ETNK1: variants seen among roughly 807,000 people sequenced by gnomAD.
The protein encoded by ETNK1 is ethanolamine kinase 1.
ETNK1 carries 8 observed loss-of-function variants against 45.1 expected under a neutral mutation model. The ratio of observed to expected loss-of-function variants is 0.18; its 90% CI spans 0.10 to 0.32. The LOEUF (loss-of-function observed/expected upper bound fraction) is 0.32. Among genes scored for constraint, ETNK1 ranks in the 10% least tolerant of loss-of-function variants. The probability of loss-of-function intolerance (pLI) is 1.00; values close to 1 mark genes in which losing one functional copy is unlikely to be tolerated. For missense variants in ETNK1, 302 were observed against 430.6 expected (o/e 0.70, Z 2.64); for synonymous variants, 152 against 151.9 (o/e 1.00, Z -0.01).
In ETNK1 at chr12:22,660,639, A is replaced by G. The variant is rs1343493277; in HGVS notation, c.558-424A>G. Among the ~76,000 whole-genome samples, 3 of 152,288 alleles carry G rather than the reference A, an allele frequency of 2.0e-5. No homozygotes were observed. In the East Asian group the frequency reaches 5.8e-4, roughly 29 times the overall value. ...GCATTCACCCTTTCAACCTTGAAATATGTATTTTTAATTTTTAAAATAATT... is the reference window on the plus strand; with the variant it reads ...GCATTCACCCTTTCAACCTTGAAATGTGTATTTTTAATTTTTAAAATAATT... On this transcript the variant is annotated intron_variant, in intron 3 of 7. Transcript: ENST00000266517.
rs1009952942 is a variant in ETNK1 at position 22,687,725 on chromosome 12, TA to T, written c.*2777del. 6.6e-6 allele frequency: 1 copy of T among 152,262 alleles called. No individual in the cohort carries two copies. The highest frequency in any genetic ancestry group is 1.9e-4 in the East Asian group (1 of 5,200). The allele number at this position is 152,262 out of a possible 1,614,324, so 9.4% of individuals were successfully genotyped here. ...CAAGTAGGTCTGCCTGGAATGTATA[TA>T]AAAAATGTAAATAAAAATTTGTAAA... On this transcript the variant is annotated 3_prime_UTR_variant, in exon 8 of 8. Coordinates refer to ENST00000266517, the MANE Select transcript of ETNK1 (RefSeq NM_018638.5).
intron 1 of ETNK1, among the ~76,000 whole-genome samples, chr12:22,630,941 T>G (rs1389725348): frequency 6.6e-6 from 1 of 152,040 alleles, no homozygotes; most frequent in South Asian, 2.1e-4. Context: ...AATTATATCA[T>G]GTATTAGAGA....
At chr12:22,654,436 T>C (rs1953915505) in intron 2 of ETNK1, among the ~76,000 whole-genome samples, 2 of 152,242 alleles carry the variant, frequency 1.3e-5, no homozygotes, top group Admixed American at 6.5e-5. Flanking sequence ...AACATTACTT[T>C]TGTTACAATT....
intron 2 of ETNK1, 114 bp from the exon 3 acceptor site, chr12:22,658,900 A>G (rs1177001395): frequency 1.9e-6 from 2 of 1,036,906 alleles, no homozygotes; most frequent in South Asian, 1.7e-5. Flanking sequence ...GAGCACAGGT[A>G]GGTCTACAAG....
intron 2 of ETNK1, among the ~76,000 whole-genome samples, chr12:22,652,322 T>C (rs1953888107): frequency 1.3e-5 from 2 of 152,222 alleles, no homozygotes; most frequent in Admixed American, 6.5e-5. Context: ...AACATGGATA[T>C]GTAAATATGT....
intron 4 of ETNK1, among the ~76,000 whole-genome samples, chr12:22,664,171 A>C (rs1172828746): frequency 6.6e-6 from 1 of 151,910 alleles, no homozygotes; most frequent in African/African-American, 2.4e-5. Flanking sequence ...TTATTTAATA[A>C]ATTTAATAGT....
intron 2 of ETNK1, among the ~76,000 whole-genome samples, chr12:22,655,155 A>G (rs1953922336): frequency 6.7e-6 from 1 of 150,014 alleles, no homozygotes; most frequent in Non-Finnish European, 1.5e-5. Flanking sequence ...TTTAGTAGAG[A>G]CGGGGTTTCA....
rs1253741711 is a variant in ETNK1, at chr12:22,625,527, G to T, written c.97G>T (p.Ala33Ser). The T allele has an allele frequency of 1.9e-6, 3 of 1,605,924 alleles. No individual in the cohort carries two copies. Among genetic ancestry groups the T allele is most frequent in the Non-Finnish European group, 2.5e-6 (3 of 1,176,854 alleles). ...DQEEHRCREG[A>S]LSLLQHLRPH... is the part of the protein sequence containing the mutation. ...GGAGGAGCATCGCTGCCGGGAGGGG[G>T]CCCTGAGCCTCCTGCAACACCTGCG... Residue 33 changes from alanine to serine, a missense_variant, in exon 1 of 8, where the codon GCC (alanine) becomes TCC (serine). Coordinates refer to ENST00000266517, the MANE Select transcript of ETNK1 (RefSeq NM_018638.5).
At chr12:22,632,014 A>G (rs143715266) in intron 1 of ETNK1, among the ~76,000 whole-genome samples, 165 of 152,180 alleles carry the variant, frequency 1.1e-3, no homozygotes, top group African/African-American at 3.8e-3. Flanking sequence ...CCAGCAACCA[A>G]GTGTCTTCAT....
intron 6 of ETNK1, among the ~76,000 whole-genome samples, chr12:22,675,518 G>A (rs1954151803): frequency 6.6e-6 from 1 of 152,004 alleles, no homozygotes; most frequent in East Asian, 1.9e-4. Context: ...ACCATGCCTG[G>A]CTGATTTTTT....
rs1954284387 is a variant in ETNK1, at chr12:22,689,228, G to T, written c.*4274G>T. The T allele has an allele frequency of 2.0e-5, 3 of 151,880 alleles. No homozygotes were observed. In the South Asian group the frequency reaches 6.2e-4, roughly 32 times the overall value. 9.4% of individuals were successfully genotyped at this position (151,880 alleles called of 1,614,324 possible). A position where few individuals can be genotyped will look rare whatever the true frequency, so the allele number is the denominator to read the frequency against. ...GAATTATTTGGGTAGAAAAAATTAT[G>T]ATAGTGCTTATAAGAACTGTAAACT... On this transcript the variant is annotated 3_prime_UTR_variant, in exon 8 of 8. Transcript: ENST00000266517.
intron 4 of ETNK1, among the ~76,000 whole-genome samples, chr12:22,666,104 C>G (rs1370697498): frequency 1.3e-5 from 2 of 152,120 alleles, no homozygotes; most frequent in Non-Finnish European, 2.9e-5. Flanking sequence ...CCTCTACCTG[C>G]TCTCACCATG....
At chr12:22,684,180 A>C (rs1954238319) in intron 6 of ETNK1, among the ~76,000 whole-genome samples, 1 of 152,196 alleles carries the variant, frequency 6.6e-6, no homozygotes, top group South Asian at 2.1e-4. Flanking sequence ...CATTAAAAAC[A>C]CTAACATCTA....
chr12:22,648,816 T>G (rs1359479897), intron 2 of ETNK1, among the ~76,000 whole-genome samples: 1 of 152,080 alleles, frequency 6.6e-6, no homozygotes, highest in Non-Finnish European at 1.5e-5. Context: ...CCAGAATGGC[T>G]GTGCTATTTT....
At chr12:22,666,657 A>T (rs962206299) in intron 4 of ETNK1, among the ~76,000 whole-genome samples, 1 of 152,174 alleles carries the variant, frequency 6.6e-6, no homozygotes, top group Admixed American at 6.5e-5. Flanking sequence ...CAGTAATGGC[A>T]ATCACTGTTT....
chr12:22,678,275 C>T (rs1565448809), intron 6 of ETNK1, among the ~76,000 whole-genome samples: 1 of 152,188 alleles, frequency 6.6e-6, no homozygotes, highest in Non-Finnish European at 1.5e-5. Flanking sequence ...TCAGACACTG[C>T]AATCTGCCTT....
chr12:22,644,078 A>G, intron 2 of ETNK1, 56 bp downstream of exon 2: 2 of 1,515,900 alleles, frequency 1.3e-6, no homozygotes, highest in African/African-American at 2.8e-5. Flanking sequence ...TAAGTGCATT[A>G]AGGAAATATT....
At chr12:22,645,776 A>T (rs1165897003) in intron 2 of ETNK1, among the ~76,000 whole-genome samples, 2 of 151,570 alleles carry the variant, frequency 1.3e-5, no homozygotes, top group Non-Finnish European at 3.0e-5. Context: ...GTTAACTATA[A>T]TTTCCTTGCT....
At chr12:22,642,416 G>GAATACTA (rs1446331841) in intron 1 of ETNK1, among the ~76,000 whole-genome samples, 1 of 151,766 alleles carries the variant, frequency 6.6e-6, no homozygotes, top group South Asian at 2.1e-4. Context: ...TTGAAATCTA[G>GAATACTA]GTGGAAGGCA....
Sources: gnomAD v4.1 joint callset for allele counts (sites outside exome capture counted in the v4.1 genomes callset) on GRCh38, gnomAD v4.1.1 for gene constraint, MANE v1.5 for transcripts, NCBI Gene and HGNC (gene_info 2026-07-23, HGNC 2026-07-21) for gene names.